KLF12: variants seen among roughly 807,000 people sequenced by gnomAD.
KLF12 encodes Krueppel-like factor 12.
A neutral mutation model predicts 37.8 loss-of-function variants in KLF12; 9 were observed. The ratio of observed to expected loss-of-function variants is 0.24; its 90% CI spans 0.14 to 0.42. KLF12 has a LOEUF of 0.42. Among genes scored for constraint, KLF12 ranks in the 10% least tolerant of loss-of-function variants. KLF12 has a pLI of 1.00. For synonymous variants in KLF12, 208 were observed against 202.1 expected (o/e 1.03, Z -0.25); for missense variants, 411 against 516.0 (o/e 0.80, Z 1.97).
At chr13:74,255,464 G>A in the KLF12 span, among the ~76,000 whole-genome samples, 9 of 152,048 alleles carry the variant, frequency 5.9e-5, no homozygotes, top group African/African-American at 2.2e-4. Flanking sequence ...CCTTTTATGT[G>A]GTATCATTTA....
intron 7 of KLF12, among the ~76,000 whole-genome samples, chr13:73,701,422 C>T (rs1593975905): frequency 6.6e-6 from 1 of 152,326 alleles, no homozygotes; most frequent in Non-Finnish European, 1.5e-5. Context: ...AGCCTACCTA[C>T]CTTCTTTGCT....
intron 5 of KLF12, among the ~76,000 whole-genome samples, chr13:73,806,815 A>G (rs1440413349): frequency 6.6e-6 from 1 of 152,158 alleles, no homozygotes; most frequent in African/African-American, 2.4e-5. Flanking sequence ...GTTGCCTCTT[A>G]GTAACAGTTC....
the KLF12 span, among the ~76,000 whole-genome samples, chr13:74,273,303 T>A: frequency 6.6e-6 from 1 of 152,152 alleles, no homozygotes; most frequent in Non-Finnish European, 1.5e-5. Context: ...TAGAGTAATA[T>A]CCCTTCTAAT....
chr13:74,281,930 G>C, the KLF12 span, among the ~76,000 whole-genome samples: 1 of 152,144 alleles, frequency 6.6e-6, no homozygotes. Context: ...TTATCGGAGA[G>C]GGCTCCCTTC....
At chr13:73,821,244 C>G (rs1883510148) in intron 4 of KLF12, among the ~76,000 whole-genome samples, 1 of 152,118 alleles carries the variant, frequency 6.6e-6, no homozygotes, top group African/African-American at 2.4e-5. Context: ...GTGAGCTTCT[C>G]AGCAATTCCA....
At chr13:73,816,871 G>A (rs2138466206) in intron 4 of KLF12, among the ~76,000 whole-genome samples, 1 of 152,312 alleles carries the variant, frequency 6.6e-6, no homozygotes, top group Admixed American at 6.5e-5. Flanking sequence ...CCCACTGTGA[G>A]CCATGTCAGT....
At chr13:73,760,889 C>T (rs1030741221) in intron 6 of KLF12, among the ~76,000 whole-genome samples, 3 of 152,052 alleles carry the variant, frequency 2.0e-5, no homozygotes, top group East Asian at 1.9e-4. Flanking sequence ...TAAATGTGCA[C>T]GTCTTTAGAA....
At chr13:74,049,955 T>C (rs1237958830) in intron 1 of KLF12, among the ~76,000 whole-genome samples, 1 of 140,322 alleles carries the variant, frequency 7.1e-6, no homozygotes, top group Non-Finnish European at 1.5e-5. Flanking sequence ...TACCATGAGA[T>C]TTCTGGTGAT....
At position 73,830,988 on chromosome 13, in the gene KLF12, T is replaced by TCATA. The variant is rs1884120581; in HGVS notation, c.670+14835_670+14838dup. Among the ~76,000 whole-genome samples, 5 of 89,876 alleles carry TCATA rather than the reference T, an allele frequency of 5.6e-5. No individual in the cohort carries two copies. In the South Asian group the frequency reaches 2.0e-3, roughly 35 times the overall value. 59.0% of individuals were successfully genotyped at this position (89,876 alleles called of 152,430 possible). On this transcript the variant is annotated intron_variant, in intron 4 of 7. Transcript: ENST00000377669. ...GCAACATGGAATTACCTCACGCAAT[T>TCATA]CATACACACACACACACACACACAC...
chr13:74,002,511 G>C (rs1327097834), intron 1 of KLF12, among the ~76,000 whole-genome samples: 1 of 152,128 alleles, frequency 6.6e-6, no homozygotes. Context: ...GAGTAGCTGG[G>C]ACTACAGGCT....
chr13:73,734,639 A>G (rs1281998841), intron 6 of KLF12, among the ~76,000 whole-genome samples: 1 of 151,964 alleles, frequency 6.6e-6, no homozygotes, highest in Non-Finnish European at 1.5e-5. Context: ...GGGAAACATG[A>G]TTTTGCTATT....
the KLF12 span, among the ~76,000 whole-genome samples, chr13:74,158,312 T>C: frequency 6.6e-6 from 1 of 152,042 alleles, no homozygotes. Flanking sequence ...AAGGGGGGTG[T>C]AAGATGGAGG....
intron 1 of KLF12, among the ~76,000 whole-genome samples, chr13:74,071,971 A>G (rs1353648248): frequency 6.6e-6 from 1 of 151,674 alleles, no homozygotes; most frequent in Admixed American, 6.6e-5. Context: ...TTCCTCCCCA[A>G]CCCCCCCACC....
At chr13:74,163,316 G>A in the KLF12 span, among the ~76,000 whole-genome samples, 1 of 152,138 alleles carries the variant, frequency 6.6e-6, no homozygotes, top group East Asian at 1.9e-4. Context: ...CAATAGCTAA[G>A]ATATGGAATC....
At chr13:74,165,648 A>G in the KLF12 span, among the ~76,000 whole-genome samples, 1 of 152,172 alleles carries the variant, frequency 6.6e-6, no homozygotes, top group African/African-American at 2.4e-5. Context: ...TAACTGCCAC[A>G]TCACCAGGTT....
At chr13:73,774,819 C>A (rs1880499214) in intron 5 of KLF12, among the ~76,000 whole-genome samples, 1 of 151,172 alleles carries the variant, frequency 6.6e-6, no homozygotes, top group Admixed American at 6.6e-5. Context: ...GTTTTTCATT[C>A]AACAGTTATT....
chr13:73,806,832 T>C (rs1239269893), intron 5 of KLF12, among the ~76,000 whole-genome samples: 3 of 152,096 alleles, frequency 2.0e-5, no homozygotes, highest in Non-Finnish European at 4.4e-5. Context: ...GTTCTTGTTT[T>C]CCCTTTATTA....
At chr13:73,957,067 AAAGGAAAGGAAAGGAAAGG>A (rs1240918708) in intron 2 of KLF12, among the ~76,000 whole-genome samples, 1 of 135,888 alleles carries the variant, frequency 7.4e-6, no homozygotes, top group Non-Finnish European at 1.6e-5. Context: ...AAAGGAAAGG[AAAGGAAAGGAAAGGAAAGG>A]AAAGGAAAGG....
Position 73,929,851 on chromosome 13 carries a change from C to T in KLF12, c.123+14130G>A, listed in dbSNP as rs1458333064. 3.3e-5 allele frequency among the ~76,000 whole-genome samples: 5 copies of T among 152,108 alleles called. No individual in the cohort carries two copies. The East Asian group carries it at 7.7e-4, about 23-fold the overall frequency. On this transcript the variant is annotated intron_variant, in intron 3 of 7. Transcript: ENST00000377669. Reference sequence around the variant, plus strand: ...TTTTATGCATGGTACAGCAGATGGGCAACATGTCCATATCCTAGCAGCAAG... The same window carrying T: ...TTTTATGCATGGTACAGCAGATGGGTAACATGTCCATATCCTAGCAGCAAG...
Sources: gnomAD v4.1 joint callset for allele counts (sites outside exome capture counted in the v4.1 genomes callset) on GRCh38, gnomAD v4.1.1 for gene constraint, MANE v1.5 for transcripts, NCBI Gene and HGNC (gene_info 2026-07-23, HGNC 2026-07-21) for gene names.